LIMS1: variants seen among roughly 807,000 people sequenced by gnomAD.
LIMS1 encodes the protein LIM zinc finger domain containing 1.
A neutral mutation model predicts 44.1 loss-of-function variants in LIMS1; 18 were observed. That is an observed-to-expected ratio of 0.41 (90% CI 0.28 to 0.61). The LOEUF is 0.61. Among genes scored for constraint, LIMS1 ranks in the 20% least tolerant of loss-of-function variants. LIMS1 has a pLI of 0.32. For missense variants in LIMS1, 201 were observed against 422.0 expected, an observed-to-expected ratio of 0.48 and a Z score of 4.59; for synonymous variants, 93 against 149.1, an observed-to-expected ratio of 0.62 and a Z score of 2.74.
intron 9 of LIMS1, chr2:108,681,455 G>T: frequency 6.2e-6 from 6 of 974,278 alleles, no homozygotes; most frequent in Non-Finnish European, 6.1e-6. Context: ...TTAAAGGGAA[G>T]AATTCTAATC....
At chr2:108,572,383 T>G (rs1427076759) in intron 1 of LIMS1, among the ~76,000 whole-genome samples, 1 of 146,728 alleles carries the variant, frequency 6.8e-6, no homozygotes, top group Non-Finnish European at 1.5e-5. Flanking sequence ...ACTCTTGCTT[T>G]TTTTTTTTTT....
At chr2:108,576,280 G>GTT (rs1386053388) in intron 1 of LIMS1, among the ~76,000 whole-genome samples, 17 of 152,222 alleles carry the variant, frequency 1.1e-4, no homozygotes, top group Admixed American at 4.6e-4. Context: ...GTTTTGTTTT[G>GTT]TTTTGTTTTG....
At chr2:108,560,896 C>T (rs990435634) in intron 1 of LIMS1, among the ~76,000 whole-genome samples, 2 of 152,106 alleles carry the variant, frequency 1.3e-5, no homozygotes, top group Non-Finnish European at 2.9e-5. Flanking sequence ...TTAGTAGGGT[C>T]AGAATGATGC....
At chr2:108,606,218 T>C (rs1157193845) in intron 1 of LIMS1, among the ~76,000 whole-genome samples, 1 of 152,252 alleles carries the variant, frequency 6.6e-6, no homozygotes, top group Non-Finnish European at 1.5e-5. Flanking sequence ...AGTTTGCAAG[T>C]TGGAGTTGTG....
chr2:108,575,871 G>A (rs1190768036), intron 1 of LIMS1, among the ~76,000 whole-genome samples: 1 of 152,016 alleles, frequency 6.6e-6, no homozygotes, highest in African/African-American at 2.4e-5. Context: ...TTTTTATTTT[G>A]TAGCCAAAAC....
intron 1 of LIMS1, among the ~76,000 whole-genome samples, chr2:108,609,147 T>G (rs1479329388): frequency 6.6e-6 from 1 of 152,184 alleles, no homozygotes; most frequent in Admixed American, 6.5e-5. Flanking sequence ...TACTGAGGGT[T>G]TGAAGTGTTC....
intron 8 of LIMS1, chr2:108,678,314 T>C (rs1692712511): frequency 5.6e-6 from 3 of 534,630 alleles, no homozygotes; most frequent in South Asian, 2.4e-5. Flanking sequence ...TTGTGTCCAG[T>C]TTCAGGAAGC....
intron 1 of LIMS1, among the ~76,000 whole-genome samples, chr2:108,547,980 G>A (rs372191705): frequency 8.5e-5 from 13 of 152,150 alleles, no homozygotes; most frequent in Non-Finnish European, 1.5e-4. Flanking sequence ...TGCAATAGCC[G>A]TGAAACCTTT....
At chr2:108,555,462 A>C (rs973737555) in intron 1 of LIMS1, among the ~76,000 whole-genome samples, 1 of 152,066 alleles carries the variant, frequency 6.6e-6, no homozygotes, top group East Asian at 1.9e-4. Flanking sequence ...TGTGATAATA[A>C]ATTTTCCCAT....
exon 10 of LIMS1, chr2:108,685,411 A>C (rs1412275573): frequency 6.6e-6 from 1 of 150,886 alleles, no homozygotes; most frequent in East Asian, 1.9e-4. Context: ...GCCAAGAGAG[A>C]CTTCTTAGGG....
At chr2:108,646,079 G>T (rs1690044052) in intron 1 of LIMS1, among the ~76,000 whole-genome samples, 1 of 152,264 alleles carries the variant, frequency 6.6e-6, no homozygotes, top group South Asian at 2.1e-4. Flanking sequence ...GTCAATATTA[G>T]ATCAATGAGA....
chr2:108,546,274 T>C (rs1684478679), intron 1 of LIMS1, among the ~76,000 whole-genome samples: 1 of 144,886 alleles, frequency 6.9e-6, no homozygotes, highest in Non-Finnish European at 1.5e-5. Context: ...ACCGCCTTTT[T>C]TTTTTTTTTT....
chr2:108,617,388 A>G (rs1687984013), intron 1 of LIMS1, among the ~76,000 whole-genome samples: 1 of 152,244 alleles, frequency 6.6e-6, no homozygotes, highest in South Asian at 2.1e-4. Flanking sequence ...CTCCACAAAT[A>G]TGAAAGCTTC....
At chr2:108,639,059 C>T (rs1689483156) in intron 1 of LIMS1, among the ~76,000 whole-genome samples, 1 of 151,936 alleles carries the variant, frequency 6.6e-6, no homozygotes, top group Non-Finnish European at 1.5e-5. Flanking sequence ...AAAAAAATGT[C>T]TACTTAAGGG....
At chr2:108,598,672 G>A (rs956817281) in intron 1 of LIMS1, among the ~76,000 whole-genome samples, 6 of 152,196 alleles carry the variant, frequency 3.9e-5, no homozygotes, top group African/African-American at 1.4e-4. Flanking sequence ...CATTTCTTCT[G>A]TTGTTTATGC....
At chr2:108,679,186 A>G (rs1356395866) in intron 8 of LIMS1, among the ~76,000 whole-genome samples, 3 of 152,046 alleles carry the variant, frequency 2.0e-5, no homozygotes, top group Admixed American at 6.6e-5. Context: ...GATCTAAAGT[A>G]TACGAGATAG....
intron 1 of LIMS1, among the ~76,000 whole-genome samples, chr2:108,636,743 A>G (rs919991959): frequency 2.0e-5 from 3 of 152,212 alleles, no homozygotes; most frequent in African/African-American, 4.8e-5. Flanking sequence ...AGAGCTTCCT[A>G]CTTAGCCCTG....
At chr2:108,551,921 G>GTA (rs1233099521) in intron 1 of LIMS1, among the ~76,000 whole-genome samples, 4 of 114,432 alleles carry the variant, frequency 3.5e-5, no homozygotes, top group African/African-American at 3.7e-5. Flanking sequence ...GTGTGTATAT[G>GTA]TGTATATATG....
chr2:108,545,225 A>T (rs1349488546), intron 1 of LIMS1, among the ~76,000 whole-genome samples: 1 of 152,154 alleles, frequency 6.6e-6, no homozygotes, highest in East Asian at 1.9e-4. Context: ...TTACCAGCTT[A>T]TATCCTCAGG....
Sources: allele counts gnomAD v4.1 joint callset (sites outside exome capture counted in the v4.1 genomes callset), GRCh38; gene constraint gnomAD v4.1.1; transcripts MANE v1.5; gene names NCBI Gene and HGNC (gene_info 2026-07-23, HGNC 2026-07-21).